The following TXNDC9 variants were observed in gnomAD, a reference collection of about 807,000 sequenced individuals.
TXNDC9 encodes thioredoxin domain containing 9.
Under a neutral mutation model 23.0 loss-of-function variants are expected in TXNDC9, and 7 were observed. The observed-to-expected ratio is 0.30, with a 90% CI of 0.17 to 0.57. The LOEUF is 0.57. Among genes scored for constraint, TXNDC9 ranks in the 20% least tolerant of loss-of-function variants. The pLI is 0.90. For synonymous variants in TXNDC9, 72 were observed against 90.6 expected, an observed-to-expected ratio of 0.79 and a Z score of 1.17; for missense variants, 198 against 252.6, an observed-to-expected ratio of 0.78 and a Z score of 1.47.
chr2:99,328,005 G>A (rs1199814065), intron 2 of TXNDC9, among the ~76,000 whole-genome samples: 2 of 151,860 alleles, frequency 1.3e-5, no homozygotes, highest in Non-Finnish European at 2.9e-5. Flanking sequence ...GGATGGTCTC[G>A]ATCTCTTGAC....
downstream of TXNDC9, among the ~76,000 whole-genome samples, chr2:99,317,250 GGATTA>G (rs2094191374): frequency 6.6e-6 from 1 of 152,128 alleles, no homozygotes; most frequent in Non-Finnish European, 1.5e-5. Flanking sequence ...CTCCTTGTAT[GGATTA>G]GTTTCCTGTT....
At chr2:99,322,253 A>G (rs1379652485) in intron 3 of TXNDC9, 44 bp from the exon 4 acceptor site, 10 of 1,568,674 alleles carry the variant, frequency 6.4e-6, no homozygotes, top group Admixed American at 2.0e-5. Flanking sequence ...AAAACCACAG[A>G]TCGCTTTTTT....
At chr2:99,318,876 G>A (rs2094195322), downstream of TXNDC9, 1 of 152,228 alleles carries the variant, frequency 6.6e-6, no homozygotes, top group Admixed American at 6.5e-5. Context: ...TACTCTTCCA[G>A]AGGAGAAACT....
At chr2:99,309,713 G>A in the TXNDC9 span, among the ~76,000 whole-genome samples, 1 of 152,006 alleles carries the variant, frequency 6.6e-6, no homozygotes, top group Non-Finnish European at 1.5e-5. Flanking sequence ...TTGAGACAGA[G>A]TCTCACTCTA....
intron 4 of TXNDC9, among the ~76,000 whole-genome samples, chr2:99,320,518 C>T (rs1477601042): frequency 6.6e-6 from 1 of 152,158 alleles, no homozygotes; most frequent in Non-Finnish European, 1.5e-5. Flanking sequence ...ACAGTTTGTA[C>T]TCTTCAAAAA....
At chr2:99,322,792 T>C (rs1411166979) in intron 3 of TXNDC9, 5 of 1,208,330 alleles carry the variant, frequency 4.1e-6, no homozygotes, top group Non-Finnish European at 5.3e-6. Flanking sequence ...GGTGGCGTAT[T>C]GCCCTGTCCC....
the TXNDC9 span, among the ~76,000 whole-genome samples, chr2:99,309,792 T>C: frequency 6.6e-6 from 1 of 152,192 alleles, no homozygotes; most frequent in African/African-American, 2.4e-5. Context: ...GTTCAAGCGA[T>C]TCTCTTGCCT....
chr2:99,322,515 T>C, intron 3 of TXNDC9: 1 of 1,461,380 alleles, frequency 6.8e-7, no homozygotes, highest in Admixed American at 2.9e-5. Context: ...ACAGGAAACT[T>C]GAAGAGGAAC....
At chr2:99,331,823 G>A (rs1190874586) in intron 2 of TXNDC9, among the ~76,000 whole-genome samples, 4 of 152,070 alleles carry the variant, frequency 2.6e-5, no homozygotes, top group African/African-American at 9.7e-5. Flanking sequence ...TCCACCTCCC[G>A]GGTTCAAGAG....
intron 4 of TXNDC9, among the ~76,000 whole-genome samples, chr2:99,320,222 T>G (rs7609108): frequency 0.39 from 59,699 of 152,110 alleles, 12,589 homozygotes; most frequent in East Asian, 0.64. Flanking sequence ...TGCCCAGGCT[T>G]GTCTTGAACT....
rs867447242 is a variant in TXNDC9, at chr2:99,327,153, A to G, written c.308+382T>C. Among the ~76,000 whole-genome samples, 7 of 152,126 alleles carry G rather than the reference A, an allele frequency of 4.6e-5. No homozygotes were observed. In the Middle Eastern group the frequency reaches 0.01, roughly 222 times the overall value. ...AGTGTCGCGATCTCCGCTCACTGCA[A>G]CCTCTGTCTCCTGGGTTCAAGCAAT... On this transcript the variant is annotated intron_variant, in intron 3 of 4. Transcript: ENST00000264255.
chr2:99,334,850 T>A (rs2094234891), intron 1 of TXNDC9, among the ~76,000 whole-genome samples: 1 of 152,214 alleles, frequency 6.6e-6, no homozygotes. Context: ...TAGCCGGGAC[T>A]ACAGGCGCCC....
intron 4 of TXNDC9, among the ~76,000 whole-genome samples, chr2:99,320,798 G>C (rs2094199997): frequency 6.6e-6 from 1 of 152,160 alleles, no homozygotes; most frequent in African/African-American, 2.4e-5. Context: ...ATACTTCATA[G>C]TATCTATAAA....
At chr2:99,323,715 G>A (rs1294901715) in intron 3 of TXNDC9, among the ~76,000 whole-genome samples, 3 of 152,136 alleles carry the variant, frequency 2.0e-5, no homozygotes, top group African/African-American at 4.8e-5. Flanking sequence ...CAGGCTAGGC[G>A]ACAGAGTAAG....
chr2:99,311,289 C>T, the TXNDC9 span, among the ~76,000 whole-genome samples: 1 of 151,282 alleles, frequency 6.6e-6, no homozygotes, highest in African/African-American at 2.4e-5. Flanking sequence ...GGCTGGTCCC[C>T]CTGCCTCCTT....
intron 3 of TXNDC9, among the ~76,000 whole-genome samples, chr2:99,323,667 T>TGG (rs1384992731): frequency 6.6e-6 from 1 of 151,692 alleles, no homozygotes; most frequent in Admixed American, 6.6e-5. Flanking sequence ...ACCTGGGAGG[T>TGG]GGGGGTTACA....
chr2:99,315,473 T>G (rs1055316164), downstream of TXNDC9, among the ~76,000 whole-genome samples: 2 of 152,250 alleles, frequency 1.3e-5, no homozygotes, highest in Non-Finnish European at 2.9e-5. Context: ...CAAATATTTT[T>G]CCAATTCTGA....
the TXNDC9 span, among the ~76,000 whole-genome samples, chr2:99,312,265 G>A: frequency 3.3e-5 from 5 of 152,134 alleles, no homozygotes; most frequent in African/African-American, 1.2e-4. Flanking sequence ...GGAGGCTGAG[G>A]TGAGTGAGTT....
chr2:99,325,969 C>T (rs1304586649), intron 3 of TXNDC9, among the ~76,000 whole-genome samples: 1 of 151,728 alleles, frequency 6.6e-6, no homozygotes, highest in Non-Finnish European at 1.5e-5. Flanking sequence ...CAAGATCCTG[C>T]CATTGCACTC....
Sources: allele counts gnomAD v4.1 joint callset (sites outside exome capture counted in the v4.1 genomes callset), GRCh38; gene constraint gnomAD v4.1.1; transcripts MANE v1.5; gene names NCBI Gene and HGNC (gene_info 2026-07-23, HGNC 2026-07-21).